SBF2: variants seen among roughly 807,000 people sequenced by gnomAD.
SBF2 encodes SET binding factor 2.
SBF2 carries 112 observed loss-of-function variants against 225.2 expected under a neutral mutation model. The ratio of observed to expected loss-of-function variants is 0.50; its 90% confidence interval spans 0.43 to 0.58. The LOEUF is 0.58. SBF2 is among the 20% of genes least tolerant of loss of function. The pLI is 0.00. For missense variants in SBF2, 1,996 were observed against 2,206.2 expected (o/e 0.90, Z 1.91); for synonymous variants, 763 against 773.3 (o/e 0.99, Z 0.22).
chr11:9,920,219 T>C (rs73402404), intron 16 of SBF2, among the ~76,000 whole-genome samples: 24,006 of 149,514 alleles, frequency 0.16, 2,090 homozygotes, highest in East Asian at 0.39. Flanking sequence ...TATATATATA[T>C]ACACACACAT....
intron 1 of SBF2, among the ~76,000 whole-genome samples, chr11:10,228,639 T>G (rs1438572693): frequency 6.6e-6 from 1 of 152,254 alleles, no homozygotes; most frequent in Non-Finnish European, 1.5e-5. Context: ...TTTTGGCATG[T>G]TGAACCAGCC....
chr11:10,217,048 G>A (rs1055745439), intron 1 of SBF2, among the ~76,000 whole-genome samples: 2 of 152,050 alleles, frequency 1.3e-5, no homozygotes, highest in African/African-American at 4.8e-5. Context: ...TTTCATAGTA[G>A]GTAATCAATG....
rs1024997822 is a variant in SBF2, at chr11:10,200,697, A to C, written c.56-6710T>G. Among the ~76,000 whole-genome samples the C allele has an allele frequency of 9.9e-4, 150 of 152,178 alleles. 1 individual carries two copies. The highest frequency in any genetic ancestry group is 2.2e-4 in the Non-Finnish European group (15 of 67,998). On this transcript the variant is annotated intron_variant, in intron 1 of 39. Coordinates refer to ENST00000256190, the MANE Select transcript of SBF2 (RefSeq NM_030962.4). ...TATCCATTTTTTATTTAATTAACTT[A>C]CTTTTTTTAGTTACAGATATATACT...
intron 2 of SBF2, among the ~76,000 whole-genome samples, chr11:10,092,014 T>G (rs1483787696): frequency 1.3e-5 from 2 of 152,224 alleles, no homozygotes; most frequent in Non-Finnish European, 2.9e-5. Context: ...AACTGTAATC[T>G]GATTTTTAAG....
At chr11:10,257,939 A>G (rs1273501461) in intron 1 of SBF2, among the ~76,000 whole-genome samples, 1 of 152,186 alleles carries the variant, frequency 6.6e-6, no homozygotes, top group Admixed American at 6.5e-5. Flanking sequence ...CCTGGGTGAT[A>G]GAGCAAGACT....
intron 1 of SBF2, among the ~76,000 whole-genome samples, chr11:10,273,318 A>G (rs1962689853): frequency 6.6e-6 from 1 of 152,204 alleles, no homozygotes; most frequent in South Asian, 2.1e-4. Context: ...CAGGATCTAG[A>G]TGTTTTTGAA....
chr11:10,074,278 A>G (rs1385626461), intron 2 of SBF2, among the ~76,000 whole-genome samples: 1 of 152,182 alleles, frequency 6.6e-6, no homozygotes, highest in African/African-American at 2.4e-5. Flanking sequence ...CCTACCTTAT[A>G]CAACTGTGCC....
chr11:9,883,450 T>C (rs188427133), intron 17 of SBF2, among the ~76,000 whole-genome samples: 76 of 152,260 alleles, frequency 5.0e-4, no homozygotes, highest in African/African-American at 1.7e-3. Context: ...CTCTCACTAG[T>C]CTATGGATTG....
At chr11:10,051,641 A>C (rs1177619639) in intron 2 of SBF2, among the ~76,000 whole-genome samples, 1 of 152,134 alleles carries the variant, frequency 6.6e-6, no homozygotes, top group Non-Finnish European at 1.5e-5. Context: ...TATATTGTGC[A>C]TTTAAAAATA....
At chr11:10,117,819 G>C (rs1953225318) in intron 2 of SBF2, among the ~76,000 whole-genome samples, 1 of 151,902 alleles carries the variant, frequency 6.6e-6, no homozygotes, top group African/African-American at 2.4e-5. Context: ...CTCCATTTGG[G>C]ATTTCAAGTA....
At chr11:9,967,949 C>CTG (rs1272756811) in intron 14 of SBF2, among the ~76,000 whole-genome samples, 4,132 of 101,856 alleles carry the variant, frequency 0.041, 151 homozygotes, top group East Asian at 0.16. Flanking sequence ...GTCTGTCTGT[C>CTG]TCTCTCTCTC....
At chr11:10,101,490 G>A (rs958905119) in intron 2 of SBF2, among the ~76,000 whole-genome samples, 1 of 152,104 alleles carries the variant, frequency 6.6e-6, no homozygotes, top group Non-Finnish European at 1.5e-5. Context: ...ATTTCCTTTT[G>A]TAAAGTGGCT....
At chr11:10,213,701 T>C (rs184368259) in intron 1 of SBF2, among the ~76,000 whole-genome samples, 1 of 152,138 alleles carries the variant, frequency 6.6e-6, no homozygotes, top group Non-Finnish European at 1.5e-5. Flanking sequence ...CTCAACAAGC[T>C]GAAGTCATTA....
At chr11:9,925,906 G>A (rs1182544290) in intron 16 of SBF2, among the ~76,000 whole-genome samples, 1 of 152,098 alleles carries the variant, frequency 6.6e-6, no homozygotes, top group East Asian at 1.9e-4. Flanking sequence ...TTGTTATAGG[G>A]CAACTGAAAA....
chr11:10,051,935 T>A (rs184190172), intron 2 of SBF2, among the ~76,000 whole-genome samples: 102 of 152,266 alleles, frequency 6.7e-4, no homozygotes, highest in African/African-American at 2.4e-3. Flanking sequence ...GGTTTAGTCT[T>A]TTCCATTCTT....
At chr11:10,275,331 C>T (rs1004685175) in intron 1 of SBF2, among the ~76,000 whole-genome samples, 1 of 143,246 alleles carries the variant, frequency 7.0e-6, no homozygotes, top group Non-Finnish European at 1.6e-5. Flanking sequence ...CACAATATGG[C>T]TTTAAAAGTC....
chr11:9,947,913 T>A (rs61876976), intron 16 of SBF2, among the ~76,000 whole-genome samples: 17,025 of 152,062 alleles, frequency 0.11, 1,081 homozygotes, highest in Non-Finnish European at 0.13. Flanking sequence ...TACCATAAGA[T>A]CCAGCAATTC....
chr11:10,242,716 T>C (rs1959346801), intron 1 of SBF2, among the ~76,000 whole-genome samples: 2 of 152,104 alleles, frequency 1.3e-5, no homozygotes, highest in Admixed American at 1.3e-4. Context: ...CAAAATAGAC[T>C]TTATGTCAAA....
chr11:9,923,891 C>CT (rs1263699523), intron 16 of SBF2, among the ~76,000 whole-genome samples: 1 of 39,336 alleles, frequency 2.5e-5, no homozygotes, highest in African/African-American at 1.2e-4. Flanking sequence ...AAATTAGAGA[C>CT]CAGATTTATT....
Sources: allele counts gnomAD v4.1 joint callset (sites outside exome capture counted in the v4.1 genomes callset), GRCh38; gene constraint gnomAD v4.1.1; transcripts MANE v1.5; gene names NCBI Gene and HGNC (gene_info 2026-07-23, HGNC 2026-07-21).